KANTR: variants seen among roughly 807,000 people sequenced by gnomAD.
KANTR encodes KANTR integral membrane protein.
intron 2 of KANTR, among the ~76,000 whole-genome samples, chrX:53,100,577 G>T (rs1242214433): frequency 9.0e-6 from 1 of 111,123 alleles, no homozygotes; most frequent in Non-Finnish European, 1.9e-5. Flanking sequence ...AGGCGGGCGG[G>T]TCACAAGGTC....
intron 2 of KANTR, among the ~76,000 whole-genome samples, chrX:53,108,772 C>T (rs1251292260): frequency 3.6e-5 from 4 of 109,840 alleles, no homozygotes; most frequent in African/African-American, 1.3e-4. Context: ...GTGATCATAG[C>T]TCACTGCAAC....
intron 2 of KANTR, among the ~76,000 whole-genome samples, chrX:53,122,855 G>C (rs1365176032): frequency 9.0e-6 from 1 of 111,456 alleles, no homozygotes; most frequent in Non-Finnish European, 1.9e-5. Flanking sequence ...TTTTGCAACT[G>C]TGTCCATGAG....
chrX:53,112,449 C>G (rs1348733290), intron 2 of KANTR, among the ~76,000 whole-genome samples: 1 of 111,974 alleles, frequency 8.9e-6, no homozygotes, highest in Non-Finnish European at 1.9e-5. Flanking sequence ...GTGCAAGTGT[C>G]TTTTTCGTAT....
At chrX:53,109,228 C>G (rs1205293690) in intron 2 of KANTR, among the ~76,000 whole-genome samples, 35 of 112,046 alleles carry the variant, frequency 3.1e-4, no homozygotes, top group African/African-American at 1.1e-3. Flanking sequence ...TTTCAGGGTA[C>G]ACGTCTTTTA....
chrX:53,143,745 ATGGCCCATGTAGGAGTCCTTC>A, downstream of KANTR: 1 of 590,063 alleles, frequency 1.7e-6, no homozygotes, highest in Non-Finnish European at 3.0e-6. Context: ...TCTGGGCCTC[ATGGCCCATGTAGGAGTCCTTC>A]TGGCCCATGC....
intron 2 of KANTR, among the ~76,000 whole-genome samples, chrX:53,141,445 A>T (rs1445047841): frequency 8.9e-6 from 1 of 111,912 alleles, no homozygotes; most frequent in South Asian, 3.7e-4. Flanking sequence ...CTCTTTTCAC[A>T]ATTTTTTCTG....
intron 1 of KANTR, among the ~76,000 whole-genome samples, chrX:53,097,418 T>C (rs1277461449): frequency 1.1e-5 from 1 of 90,007 alleles, no homozygotes; most frequent in Non-Finnish European, 2.1e-5. Flanking sequence ...AGTGGCACAG[T>C]CTTGGCTCAC....
intron 2 of KANTR, among the ~76,000 whole-genome samples, chrX:53,112,846 A>G (rs1485190003): frequency 9.0e-6 from 1 of 111,203 alleles, no homozygotes; most frequent in Non-Finnish European, 1.9e-5. Flanking sequence ...CTTCTCCTTC[A>G]TGAACTCTGT....
chrX:53,103,191 G>A (rs1932910087), intron 2 of KANTR, among the ~76,000 whole-genome samples: 1 of 110,016 alleles, frequency 9.1e-6, no homozygotes, highest in African/African-American at 3.3e-5. Flanking sequence ...GGCCAGGCTG[G>A]TCTCGAACTC....
intron 2 of KANTR, among the ~76,000 whole-genome samples, chrX:53,138,017 C>G (rs1556817893): frequency 9.1e-6 from 1 of 110,184 alleles, no homozygotes; most frequent in Non-Finnish European, 1.9e-5. Context: ...CTTTTGTTCT[C>G]TATTTTATTT....
At chrX:53,117,900 G>A (rs1341092108) in intron 2 of KANTR, among the ~76,000 whole-genome samples, 6 of 111,241 alleles carry the variant, frequency 5.4e-5, no homozygotes, top group Non-Finnish European at 7.5e-5. Context: ...GATTACAGGC[G>A]TGAGCCACCA....
downstream of KANTR, chrX:53,143,966 G>T (rs901391749): frequency 7.0e-6 from 2 of 287,470 alleles, no homozygotes; most frequent in Non-Finnish European, 1.3e-5. Context: ...ACGGTGTGGG[G>T]GCTGGTGGCA....
intron 2 of KANTR, among the ~76,000 whole-genome samples, chrX:53,139,842 AAGG>A (rs1451708775): frequency 9.0e-6 from 1 of 110,574 alleles, no homozygotes; most frequent in East Asian, 2.8e-4. Flanking sequence ...AAAACAAAAG[AAGG>A]AGGAGGAGGC....
chrX:53,114,156 C>T (rs1243020523), intron 2 of KANTR, among the ~76,000 whole-genome samples: 4 of 111,899 alleles, frequency 3.6e-5, no homozygotes, highest in African/African-American at 6.5e-5. Flanking sequence ...CTGCCTGCCT[C>T]GGCCTCCCAA....
chrX:53,147,230 C>G (rs1172659273), downstream of KANTR, among the ~76,000 whole-genome samples: 6 of 111,687 alleles, frequency 5.4e-5, no homozygotes, highest in East Asian at 8.4e-4. Flanking sequence ...CCCATCTCAC[C>G]TGCAGAGACA....
chrX:53,110,478 A>G (rs1371378342), intron 2 of KANTR, among the ~76,000 whole-genome samples: 1 of 112,245 alleles, frequency 8.9e-6, no homozygotes, highest in Non-Finnish European at 1.9e-5. Context: ...CTACTCGATC[A>G]TAGTAAATGA....
At chrX:53,143,719 A>G, downstream of KANTR, 2 of 643,776 alleles carry the variant, frequency 3.1e-6, no homozygotes, top group Non-Finnish European at 5.2e-6. Context: ...CTTCAGGGTC[A>G]GGATGTCGTG....
At chrX:53,141,302 AG>A (rs1556818421) in intron 2 of KANTR, among the ~76,000 whole-genome samples, 2 of 112,197 alleles carry the variant, frequency 1.8e-5, no homozygotes, top group Non-Finnish European at 3.8e-5. Context: ...TGGGGGCTGC[AG>A]TATACAGCAC....
At chrX:53,096,958 G>A (rs781892677) in intron 1 of KANTR, among the ~76,000 whole-genome samples, 33 of 110,848 alleles carry the variant, frequency 3.0e-4, no homozygotes, top group Non-Finnish European at 5.5e-4. Flanking sequence ...GTAAAACCCC[G>A]TCTCTACTAA....
Sources: gnomAD v4.1 joint callset for allele counts (sites outside exome capture counted in the v4.1 genomes callset) on GRCh38, gnomAD v4.1.1 for gene constraint, MANE v1.5 for transcripts, NCBI Gene and HGNC (gene_info 2026-07-23, HGNC 2026-07-21) for gene names.